Variants in TAPT1 observed in about 807,000 individuals in gnomAD.
TAPT1 encodes transmembrane anterior posterior transformation protein 1 homolog.
In TAPT1, 28 loss-of-function variants were observed where a neutral mutation model predicts 65.6. The observed-to-expected ratio is 0.43, with a 90% CI of 0.32 to 0.59. TAPT1 has a LOEUF of 0.59. Among genes scored for constraint, TAPT1 ranks in the 20% least tolerant of loss-of-function variants. The pLI is 0.09. For synonymous variants in TAPT1, 278 were observed against 245.2 expected (o/e 1.13, Z -1.25); for missense variants, 563 against 679.9 (o/e 0.83, Z 1.91).
chr4:16,227,015 C>T (rs1460089678), upstream of TAPT1: 6 of 452,382 alleles, frequency 1.3e-5, no homozygotes, highest in East Asian at 7.0e-5. Flanking sequence ...GGGCCCGGCT[C>T]CAGATCACCG....
chr4:16,189,655 G>C (rs1158473105), intron 4 of TAPT1, among the ~76,000 whole-genome samples: 1 of 152,236 alleles, frequency 6.6e-6, no homozygotes. Context: ...GATTTGGTCA[G>C]AGGTGGTTTG....
At chr4:16,168,308 C>A (rs1490277932) in intron 12 of TAPT1, among the ~76,000 whole-genome samples, 1 of 152,110 alleles carries the variant, frequency 6.6e-6, no homozygotes, top group Non-Finnish European at 1.5e-5. Context: ...TGGGGTCTTG[C>A]TATGTTGCCC....
chr4:16,206,779 T>C (rs773872002), intron 2 of TAPT1, among the ~76,000 whole-genome samples: 18 of 152,138 alleles, frequency 1.2e-4, no homozygotes, highest in Non-Finnish European at 2.4e-4. Context: ...AAATAAGTGA[T>C]TGATTCACAA....
rs1339235821 is a variant in TAPT1, at chr4:16,186,851, T to C, written c.776A>G (p.Gln259Arg). ...VFLHAILIMV[Q>R]ATTLNVAFNS... ...AAAAGCTACATTGAGAGTTGTTGCTTGAACCATTATAAGAATTGCATGCAA... is the reference window on the plus strand; with the variant it reads ...AAAAGCTACATTGAGAGTTGTTGCTCGAACCATTATAAGAATTGCATGCAA... The change falls in exon 6 of 14, where the codon CAA becomes CGA. Residue 259 changes from glutamine (Q) to arginine (R), a missense_variant. Around this residue, in one of 5 missense-constraint regions of TAPT1, gnomAD observed 217 missense variants for 317.5 expected, o/e 0.68. Coordinates refer to ENST00000405303, the MANE Select transcript of TAPT1 (RefSeq NM_153365.3). 6.8e-6 allele frequency: 11 copies of C among 1,611,678 alleles called. 1 individual carries two copies. Among genetic ancestry groups the C allele is most frequent in the African/African-American group, 2.7e-5 (2 of 74,866 alleles).
intron 6 of TAPT1, 39 bp from the exon 7 acceptor site, chr4:16,186,643 A>G (rs1318787075): frequency 6.2e-6 from 9 of 1,451,706 alleles, no homozygotes; most frequent in Non-Finnish European, 8.5e-6. Flanking sequence ...TATGATTATA[A>G]CAGTTTAAAA....
Position 16,174,250 on chromosome 4 carries a change from G to C in TAPT1, c.1190C>G (p.Ser397Cys). 1 of 1,607,962 alleles carries C rather than the reference G, an allele frequency of 6.2e-7. No individual in the cohort carries two copies. Among genetic ancestry groups the C allele is most frequent in the Non-Finnish European group, 8.5e-7 (1 of 1,177,132 alleles). Reference protein sequence around the residue: ...QKNAYTDYSDSVARRMGFIPL... With the variant: ...QKNAYTDYSDCVARRMGFIPL... ...AATAAAGCCCATCCTCCGTGCTACA[G>C]AGTCACTGTAATCAGTGTATGCCTG... is the stretch of plus-strand genomic sequence containing the variant. The change falls in exon 11 of 14, where the codon TCT becomes TGT. Residue 397 changes from serine (S) to cysteine (C), a missense_variant. Around this residue, in one of 5 missense-constraint regions of TAPT1, gnomAD observed 104 missense variants for 102.5 expected, o/e 1.01. Coordinates refer to ENST00000405303, the MANE Select transcript of TAPT1 (RefSeq NM_153365.3).
intron 8 of TAPT1, among the ~76,000 whole-genome samples, chr4:16,177,894 C>T (rs1039123883): frequency 1.1e-4 from 17 of 151,752 alleles, no homozygotes; most frequent in Admixed American, 7.2e-4. Flanking sequence ...ATGGTGAATT[C>T]ATCAATAAAA....
At chr4:16,177,456 A>G (rs1361785790) in intron 8 of TAPT1, among the ~76,000 whole-genome samples, 2 of 152,212 alleles carry the variant, frequency 1.3e-5, no homozygotes, top group Admixed American at 6.5e-5. Flanking sequence ...GATGGAGATG[A>G]CACAGCTGGG....
chr4:16,205,554 C>T (rs1005394348), intron 2 of TAPT1, among the ~76,000 whole-genome samples: 2 of 152,094 alleles, frequency 1.3e-5, no homozygotes, highest in Non-Finnish European at 2.9e-5. Context: ...GAATGATGTG[C>T]TCTGGAAACA....
intron 7 of TAPT1, among the ~76,000 whole-genome samples, chr4:16,184,225 G>A (rs913762261): frequency 2.7e-5 from 4 of 150,718 alleles, no homozygotes; most frequent in Non-Finnish European, 4.4e-5. Flanking sequence ...CATCATAAAC[G>A]AATTTTGTCT....
chr4:16,210,883 A>G (rs946471829), intron 2 of TAPT1, among the ~76,000 whole-genome samples: 1 of 152,180 alleles, frequency 6.6e-6, no homozygotes, highest in Non-Finnish European at 1.5e-5. Flanking sequence ...CCAATAAAAC[A>G]CTCCAAAATT....
At chr4:16,192,237 A>G (rs1749419788) in intron 3 of TAPT1, among the ~76,000 whole-genome samples, 1 of 152,240 alleles carries the variant, frequency 6.6e-6, no homozygotes, top group Non-Finnish European at 1.5e-5. Flanking sequence ...ATGTCATGAG[A>G]AAGCCTGTAG....
intron 1 of TAPT1, among the ~76,000 whole-genome samples, chr4:16,220,302 T>C (rs1224113786): frequency 2.0e-5 from 3 of 152,232 alleles, no homozygotes; most frequent in Non-Finnish European, 4.4e-5. Context: ...AGTATTTCAT[T>C]CCTTCTAAGC....
intron 13 of TAPT1, among the ~76,000 whole-genome samples, chr4:16,165,120 T>G (rs1747509523): frequency 6.6e-6 from 1 of 152,086 alleles, no homozygotes. Context: ...CCTTCAAGCT[T>G]TTAGTTTAGA....
intron 9 of TAPT1, among the ~76,000 whole-genome samples, chr4:16,175,497 T>G (rs572156562): frequency 6.6e-6 from 1 of 152,242 alleles, no homozygotes; most frequent in South Asian, 2.1e-4. Flanking sequence ...TACTACCCAG[T>G]AAAATCTAGA....
intron 5 of TAPT1, among the ~76,000 whole-genome samples, chr4:16,187,674 G>A (rs1244887489): frequency 6.6e-6 from 1 of 152,046 alleles, no homozygotes; most frequent in Admixed American, 6.5e-5. Context: ...AGGAATGTGT[G>A]TATAAATATG....
intron 13 of TAPT1, among the ~76,000 whole-genome samples, chr4:16,166,124 C>T (rs987912263): frequency 5.3e-5 from 8 of 152,176 alleles, no homozygotes; most frequent in Non-Finnish European, 1.2e-4. Context: ...GCCTTGGTGC[C>T]TTTGCTGGGC....
intron 2 of TAPT1, 23 bp downstream of exon 2, chr4:16,213,745 T>G: frequency 6.5e-7 from 1 of 1,530,306 alleles, no homozygotes; most frequent in Non-Finnish European, 8.7e-7. Flanking sequence ...AAATGATGTC[T>G]GGTAATGAAG....
At position 16,200,774 on chromosome 4, in the gene TAPT1, A is replaced by T. The variant is rs749760061; in HGVS notation, c.449+1688T>A. Among the ~76,000 whole-genome samples, 168 of 152,226 alleles carry T rather than the reference A, an allele frequency of 1.1e-3. 2 individuals are homozygous for T. The highest frequency in any genetic ancestry group is 3.1e-4 in the Non-Finnish European group (21 of 68,030). Reference sequence around the variant, plus strand: ...TCTTCTGAAAATGAACTAAAATGCCATGATATCATGAAGCTCCCAGGAGTG... The same window carrying T: ...TCTTCTGAAAATGAACTAAAATGCCTTGATATCATGAAGCTCCCAGGAGTG... On this transcript the variant is annotated intron_variant, in intron 3 of 13. Transcript: ENST00000405303.
Sources: allele counts gnomAD v4.1 joint callset (sites outside exome capture counted in the v4.1 genomes callset), GRCh38; gene constraint gnomAD v4.1.1; regional missense constraint gnomAD v4.1.1; transcripts MANE v1.5; gene names NCBI Gene and HGNC (gene_info 2026-07-23, HGNC 2026-07-21).